The following RYR2 variants were observed in gnomAD, a reference collection of about 807,000 sequenced individuals.
RYR2 encodes cardiac muscle ryanodine receptor-calcium release channel.
A neutral mutation model predicts 601.1 loss-of-function variants in RYR2; 227 were observed. That is an observed-to-expected ratio of 0.38 (90% confidence interval 0.34 to 0.42). RYR2 has a LOEUF of 0.42. Ranked by LOEUF, RYR2 falls within the 10% of genes least tolerant of loss-of-function variation. RYR2 has a pLI of 1.00. For missense variants in RYR2, 4,646 were observed against 6,156.5 expected, an observed-to-expected ratio of 0.75 and a Z score of 8.21; for synonymous variants, 2,223 against 2,175.1, an observed-to-expected ratio of 1.02 and a Z score of -0.61.
intron 1 of RYR2, among the ~76,000 whole-genome samples, chr1:237,115,970 T>A (rs1670032644): frequency 6.6e-6 from 1 of 152,206 alleles, no homozygotes; most frequent in Admixed American, 6.5e-5. Flanking sequence ...TATGAAAGAA[T>A]GTGTGGACCC....
intron 58 of RYR2, among the ~76,000 whole-genome samples, chr1:237,669,532 C>G (rs1213296777): frequency 2.0e-5 from 3 of 150,230 alleles, no homozygotes; most frequent in Admixed American, 1.3e-4. Flanking sequence ...CCCTCCCGCA[C>G]GGGGCGGCTG....
intron 10 of RYR2, among the ~76,000 whole-genome samples, chr1:237,412,720 A>G (rs1355531031): frequency 6.6e-6 from 1 of 152,066 alleles, no homozygotes; most frequent in Non-Finnish European, 1.5e-5. Flanking sequence ...CCTTCCTGCC[A>G]TTTGCATTAA....
At chr1:237,445,642 G>T in intron 14 of RYR2, 120 bp downstream of exon 14, 4 of 1,228,586 alleles carry the variant, frequency 3.3e-6, no homozygotes, top group Non-Finnish European at 4.6e-6. Context: ...TGTTTGGTAA[G>T]TCAGCAGAAA....
At chr1:237,245,999 C>G (rs1479427896) in intron 1 of RYR2, among the ~76,000 whole-genome samples, 1 of 152,176 alleles carries the variant, frequency 6.6e-6, no homozygotes, top group Non-Finnish European at 1.5e-5. Flanking sequence ...CCTGGCTGGT[C>G]TCGAACTCCT....
At chr1:237,752,149 A>T (rs945088792) in intron 80 of RYR2, among the ~76,000 whole-genome samples, 1 of 152,144 alleles carries the variant, frequency 6.6e-6, no homozygotes, top group African/African-American at 2.4e-5. Flanking sequence ...AAAACAAAGA[A>T]AGCCCGCTCT....
At chr1:237,702,170 G>A (rs183782485) in intron 66 of RYR2, 111 bp downstream of exon 66, 448 of 638,446 alleles carry the variant, frequency 7.0e-4, no homozygotes, top group Non-Finnish European at 1.0e-3. Context: ...AACTAAACCG[G>A]ATTGACCTTT....
chr1:237,229,954 T>C (rs1332994295), intron 1 of RYR2, among the ~76,000 whole-genome samples: 1 of 152,246 alleles, frequency 6.6e-6, no homozygotes, highest in East Asian at 1.9e-4. Context: ...TATATAACGT[T>C]AGGCTAAGAA....
intron 2 of RYR2, among the ~76,000 whole-genome samples, chr1:237,293,128 C>A (rs1692407529): frequency 6.6e-6 from 1 of 152,174 alleles, no homozygotes; most frequent in Non-Finnish European, 1.5e-5. Context: ...ATTTTGACAT[C>A]ATCATCTACC....
intron 1 of RYR2, among the ~76,000 whole-genome samples, chr1:237,171,787 AC>A (rs1304008458): frequency 6.6e-6 from 1 of 152,132 alleles, no homozygotes; most frequent in African/African-American, 2.4e-5. Context: ...TTTGCCACAC[AC>A]CCAGTGAGTA....
intron 62 of RYR2, 73 bp from the exon 63 acceptor site, chr1:237,687,382 T>TTTTTATTTTC: frequency 1.5e-6 from 1 of 685,744 alleles, no homozygotes; most frequent in Admixed American, 3.4e-5. Flanking sequence ...TTTTTTTTTT[T>TTTTTATTTTC]TTAATTTCCC....
In RYR2 at chr1:237,641,989, A is replaced by G. The variant is rs189721723; in HGVS notation, c.7221+987A>G. On this transcript the variant is annotated intron_variant, in intron 47 of 104. Coordinates refer to ENST00000366574, the MANE Select transcript of RYR2 (RefSeq NM_001035.3). The stretch of plus-strand genomic sequence containing the variant: ...ATTCTATTATATTCATTTAAAAAAA[A>G]ATCCTGGCCCAGGGCCCAAAACATT... Among the ~76,000 whole-genome samples the G allele has an allele frequency of 5.3e-5, 8 of 152,202 alleles. No homozygotes were observed. The East Asian group carries it at 1.5e-3, about 29-fold the overall frequency.
At chr1:237,687,366 C>CTTTTTTTTTTTTTTTTTTTTTTTTTTTT (rs10679267) in intron 62 of RYR2, 89 bp from the exon 63 acceptor site, 4 of 259,150 alleles carry the variant, frequency 1.5e-5, no homozygotes, top group African/African-American at 3.2e-5. Flanking sequence ...TTTTCTTCTT[C>CTTTTTTTTTTTTTTTTTTTTTTTTTTTT]TTTTTTTTTT....
At chr1:237,266,329 A>ATT (rs1267563139) in intron 1 of RYR2, among the ~76,000 whole-genome samples, 1 of 107,290 alleles carries the variant, frequency 9.3e-6, no homozygotes, top group African/African-American at 2.7e-5. Context: ...TAGAAACTAG[A>ATT]TTGTGTGTGT....
intron 1 of RYR2, among the ~76,000 whole-genome samples, chr1:237,044,186 T>C (rs201213360): frequency 2.6e-4 from 1 of 3,906 alleles, no homozygotes; most frequent in Admixed American, 8.6e-4. Context: ...ACTATAAGGG[T>C]TTTTTTTTTT....
chr1:237,734,671 G>A (rs942020990), intron 79 of RYR2, among the ~76,000 whole-genome samples: 1 of 152,164 alleles, frequency 6.6e-6, no homozygotes, highest in African/African-American at 2.4e-5. Context: ...GATAAAAGTG[G>A]AGTGAAGGTT....
intron 58 of RYR2, among the ~76,000 whole-genome samples, chr1:237,669,911 T>G (rs1401937654): frequency 6.6e-6 from 1 of 152,012 alleles, no homozygotes; most frequent in Admixed American, 6.5e-5. Flanking sequence ...GGCTGCAATC[T>G]CGGCATTTTG....
intron 14 of RYR2, among the ~76,000 whole-genome samples, chr1:237,453,586 G>T (rs561652144): frequency 6.6e-6 from 1 of 152,098 alleles, no homozygotes; most frequent in Non-Finnish European, 1.5e-5. Flanking sequence ...ACTTGTCATG[G>T]CTATAGAATA....
chr1:237,150,957 C>T (rs771531078), intron 1 of RYR2, among the ~76,000 whole-genome samples: 1 of 150,192 alleles, frequency 6.7e-6, no homozygotes, highest in Non-Finnish European at 1.5e-5. Flanking sequence ...ACTTGGAGAA[C>T]CTTTCTTCTT....
At chr1:237,204,503 C>CAAAAAAAAAAA (rs67002856) in intron 1 of RYR2, among the ~76,000 whole-genome samples, 10 of 106,576 alleles carry the variant, frequency 9.4e-5, no homozygotes, top group East Asian at 3.2e-4. Flanking sequence ...AAAACAAAAA[C>CAAAAAAAAAAA]AAAAAAAAAA....
Sources: allele counts gnomAD v4.1 joint callset (sites outside exome capture counted in the v4.1 genomes callset), GRCh38; gene constraint gnomAD v4.1.1; transcripts MANE v1.5; gene names NCBI Gene and HGNC (gene_info 2026-07-23, HGNC 2026-07-21).